Variants in TMEM63C observed in about 807,000 individuals in gnomAD.
The protein encoded by TMEM63C is transmembrane protein 63C.
A neutral mutation model predicts 99.2 loss-of-function variants in TMEM63C; 32 were observed. The observed-to-expected ratio is 0.32, with a 90% CI of 0.24 to 0.43. TMEM63C has a LOEUF of 0.43. TMEM63C is among the 20% of genes least tolerant of loss of function. The pLI is 1.00. For synonymous variants in TMEM63C, 376 were observed against 397.9 expected (o/e 0.94, Z 0.66); for missense variants, 826 against 1,053.0 (o/e 0.78, Z 2.98).
At chr14:77,239,550 G>A in intron 11 of TMEM63C, 53 bp from the exon 12 acceptor site, 1 of 1,612,018 alleles carries the variant, frequency 6.2e-7, no homozygotes, top group Non-Finnish European at 8.5e-7. Flanking sequence ...GGAGGATGGG[G>A]CTCTGCTGGC....
At chr14:77,242,246 T>C in intron 13 of TMEM63C, 101 bp from the exon 14 acceptor site, 1 of 1,326,028 alleles carries the variant, frequency 7.5e-7, no homozygotes, top group African/African-American at 1.4e-5. Flanking sequence ...CCCCCATCTG[T>C]AGGACCACCA....
rs1889133393 is a variant in TMEM63C at position 77,239,823 on chromosome 14, C to T, written c.930+97C>T. ...GCCCGCACTGTTGGGCCCCAGGCCT[C>T]ACTCAGGTCTGCTCTAGTGCTCCCC... is the stretch of plus-strand genomic sequence containing the variant. On this transcript the variant is annotated intron_variant, in intron 12 of 23. Coordinates refer to ENST00000298351, the MANE Select transcript of TMEM63C (RefSeq NM_020431.4). 4.0e-6 allele frequency: 6 copies of T among 1,487,140 alleles called. No individual in the cohort carries two copies. In the East Asian group the frequency reaches 1.4e-4, roughly 36 times the overall value. 92.1% of individuals were successfully genotyped at this position (1,487,140 alleles called of 1,614,324 possible).
At position 77,234,207 on chromosome 14, in the gene TMEM63C, C is replaced by T. The variant is rs1185531945; in HGVS notation, c.542+707C>T. Among the ~76,000 whole-genome samples, 4 of 152,224 alleles carry T rather than the reference C, an allele frequency of 2.6e-5. No homozygotes were observed. The East Asian group carries it at 7.7e-4, about 29-fold the overall frequency. On this transcript the variant is annotated intron_variant, in intron 8 of 23. Coordinates refer to ENST00000298351, the MANE Select transcript of TMEM63C (RefSeq NM_020431.4). ...GACAAAGCTGCAGAAGCAGCTCCAG[C>T]AAGTGTGAGTGGGGTTCACACACCC... is the stretch of plus-strand genomic sequence containing the variant.
At chr14:77,240,954 T>C (rs1415462410) in intron 13 of TMEM63C, among the ~76,000 whole-genome samples, 1 of 142,244 alleles carries the variant, frequency 7.0e-6, no homozygotes, top group Admixed American at 7.0e-5. Flanking sequence ...TTTCTTTTTT[T>C]TTTTTTTTCT....
At chr14:77,240,695 T>G in intron 13 of TMEM63C, 87 bp downstream of exon 13, 9 of 1,522,016 alleles carry the variant, frequency 5.9e-6, no homozygotes, top group Non-Finnish European at 8.0e-6. Context: ...AGTTTCCCCT[T>G]CTGCCTCCCC....
intron 23 of TMEM63C, among the ~76,000 whole-genome samples, chr14:77,255,559 T>C (rs1889446366): frequency 6.6e-6 from 1 of 152,244 alleles, no homozygotes. Flanking sequence ...TGATGTCTTA[T>C]GACAGGTTCC....
At chr14:77,211,418 G>C (rs1888495582) in intron 1 of TMEM63C, among the ~76,000 whole-genome samples, 1 of 152,194 alleles carries the variant, frequency 6.6e-6, no homozygotes, top group Admixed American at 6.5e-5. Context: ...AAATGAGCTA[G>C]TACTTAAATA....
chr14:77,224,982 T>A (rs972212397), intron 5 of TMEM63C, among the ~76,000 whole-genome samples: 4 of 152,164 alleles, frequency 2.6e-5, no homozygotes, highest in Non-Finnish European at 4.4e-5. Context: ...TAAGGAAATT[T>A]TAATTGGCCC....
At chr14:77,190,891 C>T (rs994568697) in intron 1 of TMEM63C, among the ~76,000 whole-genome samples, 3 of 151,744 alleles carry the variant, frequency 2.0e-5, no homozygotes, top group Non-Finnish European at 1.5e-5. Context: ...CAAGCCAACA[C>T]AAATTTTGGA....
rs1889530426 is a variant in TMEM63C at position 77,259,001 on chromosome 14, G to C, written c.*2275G>C. 1 of 152,238 alleles carries C rather than the reference G, an allele frequency of 6.6e-6. No homozygotes were observed. The highest frequency in any genetic ancestry group is 1.5e-5 in the Non-Finnish European group (1 of 68,122). 9.4% of individuals were successfully genotyped at this position (152,238 alleles called of 1,614,324 possible). ...GCCTCATGGCAGTTGGCTCCATCTG[G>C]ACCTCCCATGGTCACTACAGGATGG... On this transcript the variant is annotated 3_prime_UTR_variant, in exon 24 of 24. Transcript: ENST00000298351.
intron 1 of TMEM63C, among the ~76,000 whole-genome samples, chr14:77,195,386 T>G (rs1888197943): frequency 6.6e-6 from 1 of 152,076 alleles, no homozygotes. Flanking sequence ...GATGATCCCT[T>G]TATGTGGATT....
chr14:77,200,105 A>G (rs532469396), intron 1 of TMEM63C, among the ~76,000 whole-genome samples: 2 of 152,226 alleles, frequency 1.3e-5, no homozygotes, highest in East Asian at 3.9e-4. Flanking sequence ...CTGCAGCTGT[A>G]GTTCACTTTC....
intron 8 of TMEM63C, among the ~76,000 whole-genome samples, chr14:77,235,006 G>C (rs1406055998): frequency 6.6e-6 from 1 of 152,178 alleles, no homozygotes; most frequent in East Asian, 1.9e-4. Flanking sequence ...CTTGAGAGGG[G>C]CACCGACCCT....
At chr14:77,245,233 C>T (rs575167184) in intron 16 of TMEM63C, among the ~76,000 whole-genome samples, 1 of 152,214 alleles carries the variant, frequency 6.6e-6, no homozygotes, top group African/African-American at 2.4e-5. Context: ...CTATATGGCA[C>T]ATCTGTGCCT....
chr14:77,218,703 G>C, intron 2 of TMEM63C, 98 bp from the exon 3 acceptor site: 1 of 1,305,760 alleles, frequency 7.7e-7, no homozygotes, highest in Non-Finnish European at 1.1e-6. Context: ...CCTGGCCGAG[G>C]CACTCGGTGC....
In TMEM63C at chr14:77,233,322, G is replaced by A. The variant is rs1055305422; in HGVS notation, c.494-130G>A. 5.6e-6 allele frequency: 5 copies of A among 898,716 alleles called. No homozygotes were observed. The Admixed American group carries it at 1.1e-4, about 19-fold the overall frequency. 55.7% of individuals were successfully genotyped at this position (898,716 alleles called of 1,614,324 possible). On this transcript the variant is annotated intron_variant, in intron 7 of 23. Transcript: ENST00000298351. ...TTAAAAGTTGGGGAGAAGCTCTGGG[G>A]AACCAGAAGGAAGAGGAGGTCAAAG...
chr14:77,235,227 T>A (rs189430512), intron 8 of TMEM63C, among the ~76,000 whole-genome samples: 124 of 151,314 alleles, frequency 8.2e-4, no homozygotes, highest in Middle Eastern at 3.4e-3. Context: ...GTGTCTGGAC[T>A]CCAAGAAGGT....
At chr14:77,226,726 G>T (rs1391509234) in intron 6 of TMEM63C, among the ~76,000 whole-genome samples, 1 of 151,862 alleles carries the variant, frequency 6.6e-6, no homozygotes, top group East Asian at 1.9e-4. Flanking sequence ...GGTAAGTGTG[G>T]CGGGGGAGGG....
intron 1 of TMEM63C, among the ~76,000 whole-genome samples, chr14:77,206,233 G>A (rs1312230090): frequency 6.6e-6 from 1 of 152,020 alleles, no homozygotes; most frequent in Non-Finnish European, 1.5e-5. Context: ...GGGGTGGGGA[G>A]GTGGGAGGGG....
Sources: allele counts gnomAD v4.1 joint callset (sites outside exome capture counted in the v4.1 genomes callset), GRCh38; gene constraint gnomAD v4.1.1; transcripts MANE v1.5; gene names NCBI Gene and HGNC (gene_info 2026-07-23, HGNC 2026-07-21).